The following AHCTF1 variants were observed in gnomAD, a reference collection of about 807,000 sequenced individuals.
AHCTF1 encodes AT-hook containing transcription factor 1.
Under a neutral mutation model 248.4 loss-of-function variants are expected in AHCTF1, and 24 were observed. The observed-to-expected ratio is 0.10, with a 90% CI of 0.07 to 0.14. The LOEUF (loss-of-function observed/expected upper bound fraction) is 0.14. Ranked by LOEUF, AHCTF1 falls within the 10% of genes least tolerant of loss-of-function variation. The pLI, the probability that AHCTF1 is intolerant of heterozygous loss-of-function variation, is 1.00. For synonymous variants in AHCTF1, 786 were observed against 929.8 expected, an observed-to-expected ratio of 0.85 and a Z score of 2.81; for missense variants, 2,206 against 2,636.2, an observed-to-expected ratio of 0.84 and a Z score of 3.57.
intron 6 of AHCTF1, among the ~76,000 whole-genome samples, chr1:246,904,983 T>C (rs527417305): frequency 2.0e-5 from 3 of 152,170 alleles, no homozygotes; most frequent in Non-Finnish European, 2.9e-5. Context: ...GCAGGGTACT[T>C]AGAAGGTTCC....
Position 246,854,471 on chromosome 1 carries a change from A to G in AHCTF1, c.4355-1172T>C, listed in dbSNP as rs763546245. On this transcript the variant is annotated intron_variant, in intron 31 of 35. Transcript: ENST00000648844. Reference sequence around the variant, plus strand: ...TGGCCCAAATGTTCAGCAATAAGCAATTAGTTAAGCATGTAACATCTACAC... The same window carrying G: ...TGGCCCAAATGTTCAGCAATAAGCAGTTAGTTAAGCATGTAACATCTACAC... 1.2e-4 allele frequency among the ~76,000 whole-genome samples: 18 copies of G among 152,004 alleles called. 1 individual carries two copies. Among genetic ancestry groups the G allele is most frequent in the Non-Finnish European group, 2.4e-4 (16 of 68,000 alleles).
At position 246,867,384 on chromosome 1, in the gene AHCTF1, C is replaced by T. The variant is rs369954768; in HGVS notation, c.3240-33G>A. 17 of 1,365,826 alleles carry T rather than the reference C, an allele frequency of 1.2e-5. No individual in the cohort carries two copies. The African/African-American group carries it at 2.4e-4, about 19-fold the overall frequency. The allele number at this position is 1,365,826 out of a possible 1,614,324, so 84.6% of individuals were successfully genotyped here. ...AATAAAAATTTAACTTCTGATGTATCACAAGGAGCACTGATAACAAGTGGA... is the reference window on the plus strand; with the variant it reads ...AATAAAAATTTAACTTCTGATGTATTACAAGGAGCACTGATAACAAGTGGA... On this transcript the variant is annotated intron_variant, in intron 25 of 35. Coordinates refer to ENST00000648844, the MANE Select transcript of AHCTF1 (RefSeq NM_001323342.2).
chr1:246,925,180 T>C (rs1029447720), intron 1 of AHCTF1, among the ~76,000 whole-genome samples: 1 of 152,184 alleles, frequency 6.6e-6, no homozygotes, highest in African/African-American at 2.4e-5. Context: ...CCTTCAGAAT[T>C]CCATGCAGTA....
intron 14 of AHCTF1, among the ~76,000 whole-genome samples, chr1:246,892,508 A>G (rs1310515819): frequency 6.6e-6 from 1 of 151,734 alleles, no homozygotes; most frequent in Non-Finnish European, 1.5e-5. Flanking sequence ...TTTAGTAAAG[A>G]TGAGGTTTCA....
In AHCTF1 at chr1:246,905,577, C is replaced by G. The variant is rs751449578; in HGVS notation, c.845G>C (p.Cys282Ser). The G allele has an allele frequency of 1.2e-6, 2 of 1,612,292 alleles. No homozygotes were observed. Among genetic ancestry groups the G allele is most frequent in the Non-Finnish European group, 1.7e-6 (2 of 1,179,964 alleles). The change falls in exon 6 of 36, where the codon TGC becomes TCC. Residue 282 changes from cysteine to serine, a missense_variant. Coordinates refer to ENST00000648844, the MANE Select transcript of AHCTF1 (RefSeq NM_001323342.2). The stretch of plus-strand genomic sequence containing the variant: ...AGACTGAACAGCCCACAAGTAACAG[C>G]AATTCCGAGGATCATTCTCAGGTTC... ...FQEPENDPRN[C>S]CYLWAVQSTQ... is the part of the protein sequence containing the mutation.
intron 1 of AHCTF1, among the ~76,000 whole-genome samples, chr1:246,928,153 A>C (rs1251989948): frequency 6.6e-6 from 1 of 151,238 alleles, no homozygotes; most frequent in Non-Finnish European, 1.5e-5. Flanking sequence ...TACAAAAAAA[A>C]TTAGCCGGGC....
intron 12 of AHCTF1, 39 bp downstream of exon 12, chr1:246,898,169 T>C: frequency 6.2e-7 from 1 of 1,608,826 alleles, no homozygotes; most frequent in Non-Finnish European, 8.5e-7. Context: ...AATAACGTGA[T>C]CCAACCAAAA....
At position 246,857,816 on chromosome 1, in the gene AHCTF1, T is replaced by C; in HGVS notation, c.4133-2A>G. On this transcript the variant is annotated splice_acceptor_variant, in intron 29 of 35. Coordinates refer to ENST00000648844, the MANE Select transcript of AHCTF1 (RefSeq NM_001323342.2). LOFTEE classifies it high-confidence loss of function. Reference sequence around the variant, plus strand: ...TTGTTTCTGCATCTTCTAAATTGCCTATAAGTCATACAAATAAGAATATTA... The same window carrying C: ...TTGTTTCTGCATCTTCTAAATTGCCCATAAGTCATACAAATAAGAATATTA... The C allele has an allele frequency of 6.2e-7, 1 of 1,602,680 alleles. No homozygotes were observed.
chr1:246,850,172 G>A lies in AHCTF1; in HGVS notation c.5834C>T (p.Pro1945Leu). The change falls in exon 33 of 36, where the codon CCA becomes CTA. Residue 1945 changes from proline to leucine, a missense_variant. This residue lies in a region of AHCTF1 where 469 missense variants were observed against 470.0 expected (regional missense o/e 1.00). Coordinates refer to ENST00000648844, the MANE Select transcript of AHCTF1 (RefSeq NM_001323342.2). ...GTTGGAGTCTTCTCTCACATCTGATGGACTAACTTCTCTCCCTCTGACCCT... is the reference window on the plus strand; with the variant it reads ...GTTGGAGTCTTCTCTCACATCTGATAGACTAACTTCTCTCCCTCTGACCCT... ...VRRVRGREVS[P>L]SDVREDSNLE... 1.2e-6 allele frequency: 2 copies of A among 1,613,886 alleles called. No homozygotes were observed. The highest frequency in any genetic ancestry group is 8.5e-7 in the Non-Finnish European group (1 of 1,179,858).
chr1:246,900,901 G>A lies in AHCTF1; in HGVS notation c.1118-432C>T, dbSNP rs75942303. ...ACCTTAGCTGAGAAGGACTTATCCA[G>A]TTATAAGGTAAAGAGAGAAAAAGAA... On this transcript the variant is annotated intron_variant, in intron 8 of 35. Coordinates refer to ENST00000648844, the MANE Select transcript of AHCTF1 (RefSeq NM_001323342.2). 3.8e-3 allele frequency among the ~76,000 whole-genome samples: 577 copies of A among 152,302 alleles called. 6 individuals carry two copies. The highest frequency in any genetic ancestry group is 0.013 in the African/African-American group (551 of 41,572).
At chr1:246,899,559 G>A (rs1471409898) in intron 10 of AHCTF1, 47 bp from the exon 11 acceptor site, 5 of 1,455,972 alleles carry the variant, frequency 3.4e-6, no homozygotes, top group Non-Finnish European at 4.7e-6. Context: ...TATTTAAAAT[G>A]GCATTAATAG....
At position 246,861,274 on chromosome 1, in the gene AHCTF1, C is replaced by T; in HGVS notation, c.3757G>A (p.Glu1253Lys). The T allele has an allele frequency of 6.2e-7, 1 of 1,608,096 alleles. No homozygotes were observed. The highest frequency in any genetic ancestry group is 8.5e-7 in the Non-Finnish European group (1 of 1,176,230). Residue 1253 changes from glutamate to lysine, a missense_variant, in exon 29 of 36, where the codon GAA becomes AAA. Transcript: ENST00000648844. ...IPGAADDSKL[E>K]VFTTPKKCAV... ...CATTTTTTAGGTGTAGTAAATACTT[C>T]TAATTTGCTATCATCTGCAGCCTGT...
intron 4 of AHCTF1, 75 bp downstream of exon 4, chr1:246,913,157 T>C (rs994050723): frequency 6.9e-6 from 9 of 1,311,296 alleles, no homozygotes. Context: ...TATAAAAAAA[T>C]TTGGCTACTT....
intron 2 of AHCTF1, 95 bp downstream of exon 2, chr1:246,918,155 T>G: frequency 8.4e-7 from 1 of 1,187,714 alleles, no homozygotes; most frequent in African/African-American, 1.6e-5. Context: ...GTTCTGCTTT[T>G]TCTTCTTCCA....
chr1:246,875,943 G>A (rs1299042630), intron 24 of AHCTF1, 94 bp downstream of exon 24: 12 of 1,242,382 alleles, frequency 9.7e-6, no homozygotes, highest in African/African-American at 4.5e-5. Context: ...ATGTGTTAGC[G>A]AAAGTAGCTA....
At chr1:246,898,076 G>T in intron 12 of AHCTF1, 132 bp downstream of exon 12, 2 of 1,272,362 alleles carry the variant, frequency 1.6e-6, no homozygotes, top group Non-Finnish European at 2.2e-6. Context: ...GACCACAACT[G>T]CTGATCACCC....
intron 33 of AHCTF1, among the ~76,000 whole-genome samples, chr1:246,846,356 A>C (rs374213766): frequency 6.6e-6 from 1 of 152,036 alleles, no homozygotes; most frequent in South Asian, 2.1e-4. Context: ...TAACAGTATA[A>C]AGGGCAGAGG....
chr1:246,908,974 A>C (rs1361200596), intron 4 of AHCTF1, among the ~76,000 whole-genome samples: 3 of 151,736 alleles, frequency 2.0e-5, no homozygotes, highest in Non-Finnish European at 4.4e-5. Context: ...TTGGCATTAC[A>C]GTATTCCCTC....
intron 29 of AHCTF1, among the ~76,000 whole-genome samples, chr1:246,859,797 C>T (rs1281086721): frequency 3.9e-5 from 6 of 151,956 alleles, no homozygotes; most frequent in African/African-American, 1.2e-4. Flanking sequence ...AGGCTGGTCT[C>T]GAACTCCTGG....
Sources: gnomAD v4.1 joint callset for allele counts (sites outside exome capture counted in the v4.1 genomes callset) on GRCh38, gnomAD v4.1.1 for gene constraint, gnomAD v4.1.1 regional missense constraint, MANE v1.5 for transcripts, NCBI Gene and HGNC (gene_info 2026-07-23, HGNC 2026-07-21) for gene names.